NREP: variants seen among roughly 807,000 people sequenced by gnomAD.
NREP encodes the protein neuronal regeneration-related protein.
A neutral mutation model predicts 8.6 loss-of-function variants in NREP; 5 were observed. The observed-to-expected ratio is 0.58, with a 90% CI of 0.30 to 1.22. The LOEUF (loss-of-function observed/expected upper bound fraction) is 1.22, where lower values mean the gene tolerates loss of function less well. Ranked by LOEUF, NREP falls within the 50% of genes most tolerant of loss-of-function variation. The pLI is 0.07. For synonymous variants in NREP, 27 were observed against 28.0 expected (o/e 0.96, Z 0.11); for missense variants, 86 against 82.5 (o/e 1.04, Z -0.17).
intron 2 of NREP, among the ~76,000 whole-genome samples, chr5:111,736,622 T>C (rs925079397): frequency 5.3e-5 from 8 of 152,318 alleles, no homozygotes; most frequent in African/African-American, 1.9e-4. Context: ...TGTCAGGGAA[T>C]CTAGGGTAGG....
chr5:111,879,283 G>A (rs1022468121), intron 2 of NREP, among the ~76,000 whole-genome samples: 1 of 152,146 alleles, frequency 6.6e-6, no homozygotes, highest in Non-Finnish European at 1.5e-5. Flanking sequence ...AGGTTACCCA[G>A]TCACAAGTAT....
chr5:111,829,256 C>G (rs1372946601), intron 2 of NREP, among the ~76,000 whole-genome samples: 1 of 151,834 alleles, frequency 6.6e-6, no homozygotes, highest in Non-Finnish European at 1.5e-5. Context: ...CAGTGAGAGA[C>G]CAAAAAAGGG....
intron 2 of NREP, among the ~76,000 whole-genome samples, chr5:111,882,688 A>C (rs1202743297): frequency 1.3e-5 from 2 of 152,214 alleles, no homozygotes; most frequent in Non-Finnish European, 2.9e-5. Flanking sequence ...ACATTCTTAA[A>C]AGAATTTTCC....
At chr5:111,960,986 T>C (rs778608119) in intron 2 of NREP, among the ~76,000 whole-genome samples, 5 of 152,236 alleles carry the variant, frequency 3.3e-5, no homozygotes, top group Non-Finnish European at 5.9e-5. Context: ...AGTCATAAAA[T>C]GTTGACATGG....
intron 2 of NREP, among the ~76,000 whole-genome samples, chr5:111,956,498 C>A (rs1172784574): frequency 6.7e-6 from 1 of 149,768 alleles, no homozygotes; most frequent in Non-Finnish European, 1.5e-5. Flanking sequence ...AAATGAAAGA[C>A]AAATTAGATT....
intron 2 of NREP, among the ~76,000 whole-genome samples, chr5:111,969,277 CA>C (rs2112667613): frequency 6.6e-6 from 1 of 152,222 alleles, no homozygotes; most frequent in Admixed American, 6.5e-5. Context: ...AAGGGAGAAA[CA>C]GGAAATAAAA....
At chr5:111,896,728 C>T (rs1436665657) in intron 2 of NREP, among the ~76,000 whole-genome samples, 1 of 152,182 alleles carries the variant, frequency 6.6e-6, no homozygotes, top group Non-Finnish European at 1.5e-5. Context: ...GACCTCGCTG[C>T]TTAATAGGTT....
At chr5:111,805,068 T>C (rs554693551) in intron 2 of NREP, among the ~76,000 whole-genome samples, 14 of 152,218 alleles carry the variant, frequency 9.2e-5, no homozygotes, top group Non-Finnish European at 1.8e-4. Flanking sequence ...CGAACAGCCA[T>C]AAAGACGTCT....
At chr5:111,888,611 A>G (rs1754319701) in intron 2 of NREP, among the ~76,000 whole-genome samples, 1 of 152,192 alleles carries the variant, frequency 6.6e-6, no homozygotes, top group Non-Finnish European at 1.5e-5. Context: ...GGGGACATAG[A>G]GCCAAACCAT....
intron 2 of NREP, among the ~76,000 whole-genome samples, chr5:111,893,573 G>A (rs1227911867): frequency 7.9e-5 from 12 of 150,994 alleles, no homozygotes; most frequent in Non-Finnish European, 1.8e-4. Context: ...AGAAATTCAA[G>A]GCCAAATAAA....
chr5:111,753,265 C>T (rs1000006715), intron 2 of NREP, among the ~76,000 whole-genome samples: 15 of 150,340 alleles, frequency 1.0e-4, no homozygotes, highest in Admixed American at 6.7e-5. Context: ...CGTGCAGTGG[C>T]GTTCAAGGAG....
intron 2 of NREP, among the ~76,000 whole-genome samples, chr5:111,916,192 A>G (rs1266473811): frequency 6.6e-6 from 1 of 152,052 alleles, no homozygotes; most frequent in Non-Finnish European, 1.5e-5. Context: ...TAGTTTTATA[A>G]TTAGAGAGAT....
chr5:111,787,872 C>T (rs762405234), intron 2 of NREP, among the ~76,000 whole-genome samples: 15 of 152,190 alleles, frequency 9.9e-5, no homozygotes, highest in South Asian at 6.2e-4. Flanking sequence ...CTGAGGCTGG[C>T]GGATTGCTTG....
intron 2 of NREP, among the ~76,000 whole-genome samples, chr5:111,740,293 G>C (rs114326730): frequency 3.0e-4 from 46 of 152,034 alleles, no homozygotes; most frequent in Non-Finnish European, 6.3e-4. Context: ...TTATGCTTTT[G>C]GGTATAATTA....
Position 111,786,012 on chromosome 5 carries a change from G to C in NREP, c.136-50505C>G, listed in dbSNP as rs182446499. On this transcript the variant is annotated intron_variant, in intron 2 of 3. Transcript: ENST00000395634. ...ATCACGTAGTGTGGAGCAGGAAAAG[G>C]CTTTAAAGGCCACATTGTCCGATTT... Among the ~76,000 whole-genome samples the C allele has an allele frequency of 1.7e-3, 263 of 152,244 alleles. 1 individual carries two copies. The highest frequency in any genetic ancestry group is 6.2e-3 in the African/African-American group (258 of 41,552).
intron 2 of NREP, among the ~76,000 whole-genome samples, chr5:111,845,535 C>A (rs1753141406): frequency 6.6e-6 from 1 of 152,164 alleles, no homozygotes; most frequent in Non-Finnish European, 1.5e-5. Context: ...CAATTATTAA[C>A]AGACATACCC....
At chr5:111,826,938 T>C (rs1277368235) in intron 2 of NREP, among the ~76,000 whole-genome samples, 2 of 152,212 alleles carry the variant, frequency 1.3e-5, no homozygotes, top group African/African-American at 4.8e-5. Context: ...TACATTACAA[T>C]AGCCAATTAA....
intron 2 of NREP, among the ~76,000 whole-genome samples, chr5:111,771,626 G>C (rs958048324): frequency 3.9e-5 from 6 of 152,042 alleles, no homozygotes; most frequent in African/African-American, 1.4e-4. Context: ...AGCTGGGAGT[G>C]GTGGCACATG....
chr5:111,821,530 T>C (rs1450008892), intron 2 of NREP, among the ~76,000 whole-genome samples: 1 of 152,156 alleles, frequency 6.6e-6, no homozygotes, highest in African/African-American at 2.4e-5. Context: ...TAAATCTGAA[T>C]CCAAACACAT....
Sources: allele counts gnomAD v4.1 joint callset (sites outside exome capture counted in the v4.1 genomes callset), GRCh38; gene constraint gnomAD v4.1.1; transcripts MANE v1.5; gene names NCBI Gene and HGNC (gene_info 2026-07-23, HGNC 2026-07-21).